Variants in MAST4 observed in about 807,000 individuals in gnomAD.
MAST4 encodes microtubule associated serine/threonine kinase family member 4.
Under a neutral mutation model 162.7 loss-of-function variants are expected in MAST4, and 89 were observed. That is an observed-to-expected ratio of 0.55 (90% CI 0.46 to 0.65). MAST4 has a LOEUF of 0.65. MAST4 is among the 30% of genes least tolerant of loss of function. The probability of loss-of-function intolerance (pLI) is 0.00; values close to 1 mark genes in which losing one functional copy is unlikely to be tolerated. For synonymous variants in MAST4, 1,479 were observed against 1,361.1 expected (o/e 1.09, Z -1.91); for missense variants, 3,153 against 3,374.0 (o/e 0.93, Z 1.62).
At chr5:67,018,737 C>T (rs983062527) in intron 4 of MAST4, among the ~76,000 whole-genome samples, 2 of 152,050 alleles carry the variant, frequency 1.3e-5, no homozygotes, top group African/African-American at 4.8e-5. Context: ...AAGAGTTTTT[C>T]TATGCAAGTG....
In MAST4 at chr5:67,138,753, C is replaced by A. The variant is rs182895021; in HGVS notation, c.2494+2089C>A. Among the ~76,000 whole-genome samples, 17 of 152,210 alleles carry A rather than the reference C, an allele frequency of 1.1e-4. 1 individual carries two copies. In the East Asian group the frequency reaches 1.9e-3, roughly 17 times the overall value. On this transcript the variant is annotated intron_variant, in intron 19 of 28. Transcript: ENST00000403625. ...CTGGCCCCATCATATATGTTTTAAT[C>A]CCTGTTACCTGAGGTCAGGTGTGGA...
At chr5:66,918,658 A>G (rs1337323390) in intron 4 of MAST4, among the ~76,000 whole-genome samples, 1 of 132,708 alleles carries the variant, frequency 7.5e-6, no homozygotes, top group Non-Finnish European at 1.8e-5. Context: ...TGGTAATTTT[A>G]GCTTACAAAT....
intron 3 of MAST4, among the ~76,000 whole-genome samples, chr5:66,889,867 G>A (rs879568312): frequency 9.9e-5 from 15 of 152,220 alleles, no homozygotes; most frequent in Admixed American, 9.8e-4. Flanking sequence ...TCTTAGGGAA[G>A]TTAAAGTTTA....
chr5:66,780,067 G>T (rs903714996), intron 2 of MAST4, among the ~76,000 whole-genome samples: 1 of 152,126 alleles, frequency 6.6e-6, no homozygotes, highest in African/African-American at 2.4e-5. Flanking sequence ...GTTAAACATT[G>T]TGGTAAAAAA....
intron 2 of MAST4, among the ~76,000 whole-genome samples, chr5:66,766,880 A>G (rs1402228320): frequency 6.6e-6 from 1 of 152,196 alleles, no homozygotes; most frequent in African/African-American, 2.4e-5. Flanking sequence ...GAAAATATCA[A>G]TGGCTTAACA....
At chr5:66,734,038 T>C (rs772955126) in intron 1 of MAST4, among the ~76,000 whole-genome samples, 1 of 152,246 alleles carries the variant, frequency 6.6e-6, no homozygotes, top group Non-Finnish European at 1.5e-5. Flanking sequence ...ATCCCTGTTT[T>C]CTAAGCTTTT....
intron 1 of MAST4, among the ~76,000 whole-genome samples, chr5:66,657,132 C>G (rs1746601056): frequency 6.6e-6 from 1 of 152,196 alleles, no homozygotes; most frequent in African/African-American, 2.4e-5. Flanking sequence ...ATTTCTACTT[C>G]ATGGATTGAT....
chr5:67,062,609 A>G (rs1435984039), intron 5 of MAST4, among the ~76,000 whole-genome samples: 1 of 152,218 alleles, frequency 6.6e-6, no homozygotes, highest in Non-Finnish European at 1.5e-5. Context: ...TGATAGTACA[A>G]GACAAATAGT....
intron 5 of MAST4, among the ~76,000 whole-genome samples, chr5:67,071,794 AAAATT>A (rs1233727942): frequency 3.9e-5 from 6 of 152,232 alleles, no homozygotes; most frequent in Non-Finnish European, 8.8e-5. Flanking sequence ...AGATGACTGA[AAAATT>A]AAAATGAACT....
At chr5:66,879,215 C>A (rs1580743622) in intron 3 of MAST4, among the ~76,000 whole-genome samples, 1 of 151,898 alleles carries the variant, frequency 6.6e-6, no homozygotes, top group African/African-American at 2.4e-5. Context: ...GGAGGCGGAG[C>A]TTGCAGTGAG....
At chr5:66,674,951 A>G (rs567261962) in intron 1 of MAST4, among the ~76,000 whole-genome samples, 1 of 152,336 alleles carries the variant, frequency 6.6e-6, no homozygotes, top group African/African-American at 2.4e-5. Context: ...GGCAGGCACC[A>G]GGAGAGGCCA....
chr5:66,963,658 T>C (rs934811765), intron 4 of MAST4: 7 of 778,418 alleles, frequency 9.0e-6, no homozygotes, highest in Admixed American at 6.8e-5. Context: ...TATGCTATTT[T>C]TACTGCAATC....
At chr5:66,685,032 C>A (rs1748557375) in intron 1 of MAST4, among the ~76,000 whole-genome samples, 1 of 152,108 alleles carries the variant, frequency 6.6e-6, no homozygotes, top group South Asian at 2.1e-4. Flanking sequence ...GAGGCCGAGG[C>A]AGGCAGATTG....
intron 2 of MAST4, among the ~76,000 whole-genome samples, chr5:66,781,326 T>G (rs982109477): frequency 5.9e-5 from 9 of 152,296 alleles, no homozygotes; most frequent in African/African-American, 1.9e-4. Flanking sequence ...CTCTGAGAGC[T>G]TCAGTAGAGA....
intron 3 of MAST4, among the ~76,000 whole-genome samples, chr5:66,870,237 T>C (rs536048865): frequency 2.8e-4 from 43 of 152,286 alleles, no homozygotes; most frequent in African/African-American, 1.0e-3. Flanking sequence ...GGCATAGTTT[T>C]TGGTGGCTGT....
At chr5:66,947,118 G>GA (rs1561469130) in intron 4 of MAST4, among the ~76,000 whole-genome samples, 1 of 152,152 alleles carries the variant, frequency 6.6e-6, no homozygotes, top group Non-Finnish European at 1.5e-5. Flanking sequence ...CAGTCAATGT[G>GA]AGAGTATTTT....
intron 4 of MAST4, among the ~76,000 whole-genome samples, chr5:66,995,111 CAG>C (rs1348670733): frequency 4.6e-5 from 7 of 152,100 alleles, no homozygotes; most frequent in Non-Finnish European, 1.0e-4. Flanking sequence ...ATCTAGAAAT[CAG>C]AGATATTTTT....
chr5:66,746,130 C>T (rs1160749915), intron 1 of MAST4, among the ~76,000 whole-genome samples: 1 of 152,172 alleles, frequency 6.6e-6, no homozygotes, highest in African/African-American at 2.4e-5. Context: ...TAGGTCCTTT[C>T]CACTGCTTAA....
chr5:66,814,922 T>C (rs2149720707), intron 3 of MAST4, among the ~76,000 whole-genome samples: 1 of 152,298 alleles, frequency 6.6e-6, no homozygotes, highest in African/African-American at 2.4e-5. Context: ...TTGCTAGCAT[T>C]CTGAGTATAT....
Sources: gnomAD v4.1 joint callset for allele counts (sites outside exome capture counted in the v4.1 genomes callset) on GRCh38, gnomAD v4.1.1 for gene constraint, MANE v1.5 for transcripts, NCBI Gene and HGNC (gene_info 2026-07-23, HGNC 2026-07-21) for gene names.